Variants in PTCD1 observed in about 807,000 individuals in gnomAD.
The protein encoded by PTCD1 is pentatricopeptide repeat domain 1.
Under a neutral mutation model 53.4 loss-of-function variants are expected in PTCD1, and 50 were observed. The observed-to-expected ratio is 0.94, with a 90% confidence interval of 0.75 to 1.19. The LOEUF (loss-of-function observed/expected upper bound fraction) is 1.19, where lower values mean the gene tolerates loss of function less well. PTCD1 is among the 50% of genes most tolerant of loss of function. PTCD1 has a pLI of 0.00. For synonymous variants in PTCD1, 413 were observed against 394.8 expected (o/e 1.05, Z -0.55); for missense variants, 918 against 904.8 (o/e 1.01, Z -0.19).
chr7:99,419,950 T>C lies in PTCD1; in HGVS notation c.*17A>G. 6.2e-7 allele frequency: 1 copy of C among 1,614,092 alleles called. No individual in the cohort carries two copies. The highest frequency in any genetic ancestry group is 8.5e-7 in the Non-Finnish European group (1 of 1,180,012). On this transcript the variant is annotated 3_prime_UTR_variant, in exon 8 of 8. Transcript: ENST00000292478. ...AGAGCACTGGGGGCCGAGCACATTGTTCCAGCTGTGCTCCCATCACCTGCC... is the reference window on the plus strand; with the variant it reads ...AGAGCACTGGGGGCCGAGCACATTGCTCCAGCTGTGCTCCCATCACCTGCC...
In PTCD1 at chr7:99,429,780, C is replaced by T. The variant is rs746704054; in HGVS notation, c.621G>A (p.Ser207=). 1.2e-5 allele frequency: 20 copies of T among 1,614,106 alleles called. No homozygotes were observed. Among genetic ancestry groups the T allele is most frequent in the South Asian group, 9.9e-5 (9 of 91,084 alleles). The change falls in exon 4 of 8, where the codon TCG becomes TCA. Residue 207 remains serine, a synonymous_variant. Transcript: ENST00000292478. Reference sequence around the variant, plus strand: ...TGAACAGGGCCGTGTAGGTGGCGTCCGAGGGCTCCAGGTCCCGCTTTTTCA... The same window carrying T: ...TGAACAGGGCCGTGTAGGTGGCGTCTGAGGGCTCCAGGTCCCGCTTTTTCA... The part of the protein sequence containing the change: ...NQMKKRDLEP[S]DATYTALFNV...
At position 99,419,787 on chromosome 7, in the gene PTCD1, G is replaced by A. The variant is rs920212983; in HGVS notation, c.*180C>T. On this transcript the variant is annotated 3_prime_UTR_variant, in exon 8 of 8. Coordinates refer to ENST00000292478, the MANE Select transcript of PTCD1 (RefSeq NM_015545.4). The stretch of plus-strand genomic sequence containing the variant: ...GCAAAGGTGGCTGGAGCTGCACTTG[G>A]ACCTGCTGGGAGCACAGGCACCTTG... 1.9e-5 allele frequency: 19 copies of A among 1,024,250 alleles called. No individual in the cohort carries two copies. The African/African-American group carries it at 2.9e-4, about 16-fold the overall frequency. The allele number at this position is 1,024,250 out of a possible 1,614,324, so 63.4% of individuals were successfully genotyped here.
Position 99,425,523 on chromosome 7 carries a change from G to A in PTCD1, c.1009C>T (p.Pro337Ser), listed in dbSNP as rs1193327189. Residue 337 changes from proline to serine, a missense_variant, in exon 6 of 8, where the codon CCC (proline) becomes TCC (serine). Pro to Ser is a moderately conservative substitution (Grantham distance 74). Coordinates refer to ENST00000292478, the MANE Select transcript of PTCD1 (RefSeq NM_015545.4). ...AGAAGCAGCTCTGAGGCCACCTGGGGGTCCCCTAGGCCACAGTCCCGAGCT... is the reference window on the plus strand; with the variant it reads ...AGAAGCAGCTCTGAGGCCACCTGGGAGTCCCCTAGGCCACAGTCCCGAGCT... ...VAARDCGLGD[P>S]QVASELLLKP... The A allele has an allele frequency of 6.2e-7, 1 of 1,612,280 alleles. No individual in the cohort carries two copies. The highest frequency in any genetic ancestry group is 8.5e-7 in the Non-Finnish European group (1 of 1,179,344).
In PTCD1 at chr7:99,418,991, C is replaced by G. The variant is rs1219392443; in HGVS notation, c.*976G>C. The G allele has an allele frequency of 4.3e-6, 1 of 229,886 alleles. No homozygotes were observed. Among genetic ancestry groups the G allele is most frequent in the African/African-American group, 2.3e-5 (1 of 43,428 alleles). 14.2% of individuals were successfully genotyped at this position (229,886 alleles called of 1,614,324 possible). On this transcript the variant is annotated 3_prime_UTR_variant, in exon 8 of 8. Transcript: ENST00000292478. ...TGTGACTCAAGTGCATAGTCTCCTG[C>G]CCTCTTCCCCCACCAGAGTGTACCA...
At chr7:99,426,118 T>TCTCCCC (rs1416211554) in intron 5 of PTCD1, among the ~76,000 whole-genome samples, 10 of 146,022 alleles carry the variant, frequency 6.8e-5, no homozygotes, top group Non-Finnish European at 1.2e-4. Flanking sequence ...TCCCTCTCCC[T>TCTCCCC]CTCCCCCTCC....
chr7:99,429,044 C>G (rs1157951315), intron 5 of PTCD1, 59 bp downstream of exon 5: 3 of 1,597,050 alleles, frequency 1.9e-6, no homozygotes, highest in Non-Finnish European at 2.6e-6. Flanking sequence ...ACAGGATCAC[C>G]ATTTTGCACC....
At chr7:99,423,980 A>C in intron 6 of PTCD1, 23 bp from the exon 7 acceptor site, 2 of 1,612,242 alleles carry the variant, frequency 1.2e-6, no homozygotes, top group Non-Finnish European at 1.7e-6. Context: ...GACATCGTAG[A>C]ATCAAGATGA....
In PTCD1 at chr7:99,420,093, C is replaced by G; in HGVS notation, c.1977G>C (p.Lys659Asn). The G allele has an allele frequency of 6.2e-7, 1 of 1,614,198 alleles. No individual in the cohort carries two copies. Among genetic ancestry groups the G allele is most frequent in the South Asian group, 1.1e-5 (1 of 91,084 alleles). Reference protein sequence around the residue: ...EKIDGFRAYYKQWLTVMPAEE... With the variant: ...EKIDGFRAYYNQWLTVMPAEE... ...CTGCGGGCATCACTGTCAGCCACTG[C>G]TTGTAATAGGCTCGGAAGCCGTCAA... The change falls in exon 8 of 8, where the codon AAG becomes AAC. Residue 659 changes from lysine (K) to asparagine (N), a missense_variant. Lys to Asn is a moderately conservative substitution (Grantham distance 94). Coordinates refer to ENST00000292478, the MANE Select transcript of PTCD1 (RefSeq NM_015545.4).
intron 2 of PTCD1, among the ~76,000 whole-genome samples, chr7:99,433,792 G>C (rs376223255): frequency 6.6e-6 from 1 of 152,134 alleles, no homozygotes; most frequent in East Asian, 1.9e-4. Context: ...AGTGGCTCAC[G>C]CCTGTAATCC....
chr7:99,429,770 AG>A lies in PTCD1; in HGVS notation c.630del (p.Tyr211ThrfsTer22). ...KKRDLEPSDA[T>X]YTALFNVCAE... ...GCACAGACGTTGAACAGGGCCGTGTAGGTGGCGTCCGAGGGCTCCAGGTCCC... is the reference window on the plus strand; with the variant it reads ...GCACAGACGTTGAACAGGGCCGTGTAGTGGCGTCCGAGGGCTCCAGGTCCC... On this transcript the variant is annotated frameshift_variant, in exon 4 of 8. Coordinates refer to ENST00000292478, the MANE Select transcript of PTCD1 (RefSeq NM_015545.4). LOFTEE classifies it high-confidence loss of function. 1 of 1,614,222 alleles carries A rather than the reference AG, an allele frequency of 6.2e-7. No individual in the cohort carries two copies. The highest frequency in any genetic ancestry group is 8.5e-7 in the Non-Finnish European group (1 of 1,180,042).
Position 99,434,893 on chromosome 7 carries a change from C to T in PTCD1, c.350G>A (p.Arg117Gln), listed in dbSNP as rs376338006. 6.8e-6 allele frequency: 11 copies of T among 1,614,216 alleles called. No homozygotes were observed. In the South Asian group the frequency reaches 1.1e-4, roughly 16 times the overall value. The change falls in exon 2 of 8, where the codon CGG (arginine) becomes CAG (glutamine). Residue 117 changes from arginine (R) to glutamine (Q), a missense_variant. Transcript: ENST00000292478. ...CTCCGGTTCCATTTGCTCATCTCTC[C>T]GTTCCCCAAACCGCAGGTTATGGAA... is the stretch of plus-strand genomic sequence containing the variant. The part of the protein sequence containing the change: ...AQFHNLRFGE[R>Q]RDEQMEPEPK...
chr7:99,437,966 T>G (rs1197307297), intron 1 of PTCD1, among the ~76,000 whole-genome samples: 1 of 152,094 alleles, frequency 6.6e-6, no homozygotes, highest in African/African-American at 2.4e-5. Flanking sequence ...TGCCTGGCCC[T>G]GCACAAACTG....
Position 99,429,766 on chromosome 7 carries a change from G to T in PTCD1, c.635C>A (p.Thr212Lys). 1 of 1,614,224 alleles carries T rather than the reference G, an allele frequency of 6.2e-7. No homozygotes were observed. Among genetic ancestry groups the T allele is most frequent in the Non-Finnish European group, 8.5e-7 (1 of 1,180,046 alleles). ...CTCGGCACAGACGTTGAACAGGGCCGTGTAGGTGGCGTCCGAGGGCTCCAG... is the reference window on the plus strand; with the variant it reads ...CTCGGCACAGACGTTGAACAGGGCCTTGTAGGTGGCGTCCGAGGGCTCCAG... ...RDLEPSDATY[T>K]ALFNVCAESP... The change falls in exon 4 of 8, where the codon ACG becomes AAG. Residue 212 changes from threonine to lysine, a missense_variant. By Grantham distance (78) the Thr-to-Lys change is moderately conservative. Transcript: ENST00000292478.
In PTCD1 at chr7:99,419,265, G is replaced by C. The variant is rs1795685137; in HGVS notation, c.*702C>G. 1 of 1,178,566 alleles carries C rather than the reference G, an allele frequency of 8.5e-7. No individual in the cohort carries two copies. The highest frequency in any genetic ancestry group is 1.3e-5 in the South Asian group (1 of 76,886). The allele number at this position is 1,178,566 out of a possible 1,614,324, so 73.0% of individuals were successfully genotyped here. A position where few individuals can be genotyped will look rare whatever the true frequency, so the allele number is the denominator to read the frequency against. ...TTCCCTGTCCAGAGCTGTCAAGGAA[G>C]GGTTTCTGAGGTGTGTCCCTATATG... On this transcript the variant is annotated 3_prime_UTR_variant, in exon 8 of 8. Transcript: ENST00000292478.
intron 7 of PTCD1, among the ~76,000 whole-genome samples, chr7:99,423,267 G>A (rs1331088181): frequency 2.0e-5 from 3 of 152,106 alleles, no homozygotes; most frequent in African/African-American, 7.2e-5. Context: ...GGACCCAGAT[G>A]AGCACAGCAG....
Position 99,433,247 on chromosome 7 carries a change from C to T in PTCD1, c.594+31G>A, listed in dbSNP as rs768745594. ...GGATCCGCCCCCAGCTTTTCAGAGC[C>T]TCACCCCGGCTGCCCTGCGCCCACA... On this transcript the variant is annotated intron_variant, in intron 3 of 7. Coordinates refer to ENST00000292478, the MANE Select transcript of PTCD1 (RefSeq NM_015545.4). 19 of 1,613,992 alleles carry T rather than the reference C, an allele frequency of 1.2e-5. No homozygotes were observed. In the East Asian group the frequency reaches 2.0e-4, roughly 17 times the overall value.
At chr7:99,438,439 T>A in intron 1 of PTCD1, 5 of 922,564 alleles carry the variant, frequency 5.4e-6, no homozygotes, top group Non-Finnish European at 6.7e-6. Context: ...TACTCCAGCC[T>A]GGGCCACAGA....
chr7:99,420,771 G>A (rs1178656603), intron 7 of PTCD1, among the ~76,000 whole-genome samples: 2 of 151,960 alleles, frequency 1.3e-5, no homozygotes, highest in Non-Finnish European at 2.9e-5. Flanking sequence ...AGCCTGGCCA[G>A]CATGGTGAAA....
intron 3 of PTCD1, among the ~76,000 whole-genome samples, chr7:99,430,086 G>A (rs1421377886): frequency 1.3e-5 from 2 of 152,210 alleles, no homozygotes; most frequent in Admixed American, 6.5e-5. Context: ...CTGGCAGCAA[G>A]GTCTTCCTGA....
Sources: allele counts gnomAD v4.1 joint callset (sites outside exome capture counted in the v4.1 genomes callset), GRCh38; gene constraint gnomAD v4.1.1; transcripts MANE v1.5; gene names NCBI Gene and HGNC (gene_info 2026-07-23, HGNC 2026-07-21).